The following TTC19 variants were observed in gnomAD, a reference collection of about 807,000 sequenced individuals.
The protein encoded by TTC19 is tetratricopeptide repeat protein 19, mitochondrial.
Under a neutral mutation model 49.5 loss-of-function variants are expected in TTC19, and 38 were observed. The ratio of observed to expected loss-of-function variants is 0.77; its 90% confidence interval spans 0.59 to 1.01. The LOEUF is 1.01. TTC19 is among the 50% of genes least tolerant of loss of function. The probability of loss-of-function intolerance (pLI) is 0.00; values close to 1 mark genes in which losing one functional copy is unlikely to be tolerated. For synonymous variants in TTC19, 204 were observed against 185.2 expected (o/e 1.10, Z -0.83); for missense variants, 475 against 477.7 (o/e 0.99, Z 0.05).
At chr17:16,018,682 T>C (rs995602438) in intron 7 of TTC19, among the ~76,000 whole-genome samples, 8 of 151,912 alleles carry the variant, frequency 5.3e-5, no homozygotes, top group African/African-American at 1.9e-4. Flanking sequence ...AATTTCCGGA[T>C]TTTTTCATAG....
intron 2 of TTC19, among the ~76,000 whole-genome samples, chr17:16,042,032 C>T (rs1414392789): frequency 1.3e-5 from 2 of 152,152 alleles, no homozygotes; most frequent in African/African-American, 4.8e-5. Context: ...CCGTGCCCGG[C>T]CAGAATGTGA....
Position 16,010,196 on chromosome 17 carries a change from CAG to C in TTC19, c.676+3631_676+3632del, listed in dbSNP as rs570400360. On this transcript the variant is annotated intron_variant, in intron 7 of 9. Transcript: ENST00000261647. ...TTTTTTTTTTTTTTTTTTTTTGAGA[CAG>C]AGTCTCACTCTTGTCACCAGGCTGG... Among the ~76,000 whole-genome samples the C allele has an allele frequency of 1.2e-3, 129 of 105,764 alleles. 1 individual carries two copies. Among genetic ancestry groups the C allele is most frequent in the African/African-American group, 4.4e-3 (119 of 27,062 alleles). The allele number at this position is 105,764 out of a possible 152,430, so 69.4% of individuals were successfully genotyped here.
intron 7 of TTC19, among the ~76,000 whole-genome samples, chr17:16,008,268 A>G (rs922377161): frequency 3.3e-5 from 5 of 152,186 alleles, no homozygotes; most frequent in African/African-American, 9.7e-5. Flanking sequence ...TTGAAGTCTA[A>G]TGGTCATCTC....
chr17:16,009,580 A>G (rs1971008212), intron 7 of TTC19, among the ~76,000 whole-genome samples: 1 of 152,150 alleles, frequency 6.6e-6, no homozygotes. Context: ...ACATTTTACT[A>G]GTTGCACAGT....
chr17:16,041,535 T>A (rs544974502), intron 2 of TTC19, among the ~76,000 whole-genome samples: 1 of 139,194 alleles, frequency 7.2e-6, no homozygotes, highest in East Asian at 2.3e-4. Context: ...TGCCTCAGCC[T>A]CCCGAGCAGC....
intron 2 of TTC19, among the ~76,000 whole-genome samples, chr17:16,038,385 C>T (rs1188770981): frequency 3.9e-5 from 6 of 152,106 alleles, no homozygotes; most frequent in East Asian, 1.9e-4. Context: ...ATTAGCATTC[C>T]GGATGATGTG....
At position 16,027,980 on chromosome 17, in the gene TTC19, T is replaced by G. The variant is rs746032421; in HGVS notation, c.*458T>G. ...TCCTCATGGCAAAGGGGGATTATGG[T>G]GAATTGTTGTTCTTATAGTCTGTTT... On this transcript the variant is annotated 3_prime_UTR_variant, in exon 10 of 10. Transcript: ENST00000261647. 2.2e-6 allele frequency: 1 copy of G among 454,332 alleles called. No homozygotes were observed. The allele number at this position is 454,332 out of a possible 1,614,324, so 28.1% of individuals were successfully genotyped here. A position where few individuals can be genotyped will look rare whatever the true frequency, so the allele number is the denominator to read the frequency against.
intron 5 of TTC19, 85 bp downstream of exon 5, chr17:16,003,972 A>G: frequency 6.9e-7 from 1 of 1,445,752 alleles, no homozygotes; most frequent in Non-Finnish European, 9.6e-7. Context: ...TAGCCCCACC[A>G]CATGCTTTGG....
intron 2 of TTC19, among the ~76,000 whole-genome samples, chr17:16,044,168 C>CAAAA (rs34691717): frequency 9.5e-4 from 78 of 81,992 alleles, no homozygotes; most frequent in East Asian, 1.8e-3. Flanking sequence ...GACTCCATCT[C>CAAAA]AAAAAAAAAA....
intron 5 of TTC19, 67 bp downstream of exon 5, chr17:16,003,954 ACTC>A (rs796753688): frequency 2.6e-5 from 40 of 1,531,434 alleles, no homozygotes; most frequent in African/African-American, 1.9e-4. Context: ...TCTCCTGAAA[ACTC>A]CTCCTAGCCC....
intron 7 of TTC19, chr17:16,024,290 C>CT (rs1425736347): frequency 1.3e-5 from 2 of 150,146 alleles, no homozygotes; most frequent in African/African-American, 2.4e-5. Context: ...ACCTTAAATT[C>CT]TTTTTTTTCT....
At chr17:16,041,902 A>C (rs1433093845) in intron 2 of TTC19, among the ~76,000 whole-genome samples, 1 of 151,896 alleles carries the variant, frequency 6.6e-6, no homozygotes, top group Non-Finnish European at 1.5e-5. Context: ...ATGCCTGGCT[A>C]ATTTTTTACA....
chr17:16,025,081 T>G lies in TTC19; in HGVS notation c.741T>G (p.Leu247=), dbSNP rs1056600951. Residue 247 remains leucine, a synonymous_variant, in exon 8 of 10, where the codon CTT becomes CTG. Transcript: ENST00000261647. ...GCTTAGACGCCTGTGCTCGCTACCTTCTGTTCTCCAAGCAGCCGTCACAGG... is the reference window on the plus strand; with the variant it reads ...GCTTAGACGCCTGTGCTCGCTACCTGCTGTTCTCCAAGCAGCCGTCACAGG... The part of the protein sequence containing the change: ...GMCLDACARY[L]LFSKQPSQAQ... 2 of 1,613,904 alleles carry G rather than the reference T, an allele frequency of 1.2e-6. No individual in the cohort carries two copies. The highest frequency in any genetic ancestry group is 1.7e-6 in the Non-Finnish European group (2 of 1,179,826).
chr17:16,003,862 A>G lies in TTC19; in HGVS notation c.494A>G (p.Tyr165Cys). ...AEQLFKATMSYLLGGGMKQED... is the reference protein window; with the variant it reads ...AEQLFKATMSCLLGGGMKQED... ...CAACTTTTTAAAGCAACAATGAGTT[A>G]CCTCCTTGGAGGGGGCATGAAGCAG... is the stretch of plus-strand genomic sequence containing the variant. Residue 165 changes from tyrosine to cysteine, a missense_variant, in exon 5 of 10, where the codon TAC becomes TGC. Coordinates refer to ENST00000261647, the MANE Select transcript of TTC19 (RefSeq NM_017775.4). 1.2e-6 allele frequency: 2 copies of G among 1,613,848 alleles called. No individual in the cohort carries two copies. The highest frequency in any genetic ancestry group is 1.7e-6 in the Non-Finnish European group (2 of 1,179,896).
chr17:16,026,521 T>C lies in TTC19; in HGVS notation c.832-19T>C. 6.2e-7 allele frequency: 1 copy of C among 1,613,292 alleles called. No homozygotes were observed. The highest frequency in any genetic ancestry group is 8.5e-7 in the Non-Finnish European group (1 of 1,179,644). On this transcript the variant is annotated intron_variant, in intron 8 of 9. Coordinates refer to ENST00000261647, the MANE Select transcript of TTC19 (RefSeq NM_017775.4). The stretch of plus-strand genomic sequence containing the variant: ...AGGCATGTTTTTAAAGAAAAAATTG[T>C]TTTTTCTTTTACATACAGACCATTG...
exon 3 of TTC19, chr17:16,044,812 G>A: frequency 9.1e-7 from 1 of 1,103,236 alleles, no homozygotes; most frequent in Non-Finnish European, 1.4e-6. Context: ...ACAATGTAGG[G>A]GCTGGTGGAC....
chr17:16,029,403 T>TC, exon 10 of TTC19: 1 of 326,664 alleles, frequency 3.1e-6, no homozygotes, highest in Middle Eastern at 1.1e-3. Flanking sequence ...TTTTTAACTG[T>TC]CCAATGGTCA....
At chr17:16,033,132 G>A (rs1405957276), downstream of TTC19, among the ~76,000 whole-genome samples, 3 of 152,086 alleles carry the variant, frequency 2.0e-5, no homozygotes, top group Admixed American at 6.5e-5. Flanking sequence ...GATCACCTGA[G>A]GTCGGGAGTT....
chr17:16,013,136 C>T (rs1057387289), intron 7 of TTC19, among the ~76,000 whole-genome samples: 14 of 152,018 alleles, frequency 9.2e-5, no homozygotes, highest in Non-Finnish European at 1.3e-4. Context: ...CCCAAGAGGT[C>T]GAGGCTGCAG....
Sources: gnomAD v4.1 joint callset for allele counts (sites outside exome capture counted in the v4.1 genomes callset) on GRCh38, gnomAD v4.1.1 for gene constraint, MANE v1.5 for transcripts, NCBI Gene and HGNC (gene_info 2026-07-23, HGNC 2026-07-21) for gene names.